The following COL25A1 variants were observed in gnomAD, a reference collection of about 807,000 sequenced individuals.
COL25A1 encodes the protein collagen type XXV alpha 1 chain.
A neutral mutation model predicts 128.4 loss-of-function variants in COL25A1; 103 were observed. The observed-to-expected ratio is 0.80, with a 90% confidence interval of 0.68 to 0.94. COL25A1 has a LOEUF of 0.94. Ranked by LOEUF, COL25A1 falls within the 40% of genes least tolerant of loss-of-function variation. The probability of loss-of-function intolerance (pLI) is 0.00; values close to 1 mark genes in which losing one functional copy is unlikely to be tolerated. For missense variants in COL25A1, 745 were observed against 840.0 expected, an observed-to-expected ratio of 0.89 and a Z score of 1.40; for synonymous variants, 279 against 277.2, an observed-to-expected ratio of 1.01 and a Z score of -0.06.
rs369789677 is a variant in COL25A1, at chr4:109,050,483, T to C, written c.368-304A>G. Among the ~76,000 whole-genome samples the C allele has an allele frequency of 4.1e-4, 62 of 152,260 alleles. No individual in the cohort carries two copies. In the East Asian group the frequency reaches 7.9e-3, roughly 19 times the overall value. On this transcript the variant is annotated intron_variant, in intron 3 of 37. Coordinates refer to ENST00000399132, the MANE Select transcript of COL25A1 (RefSeq NM_198721.4). Reference sequence around the variant, plus strand: ...TAAAGAAAGGGTTTGCTAAGAAAATTGGTAGTTGAGTTTTATATTTCTAAG... The same window carrying C: ...TAAAGAAAGGGTTTGCTAAGAAAATCGGTAGTTGAGTTTTATATTTCTAAG...
At chr4:109,282,156 AT>A (rs201607362) in intron 3 of COL25A1, among the ~76,000 whole-genome samples, 3,178 of 152,232 alleles carry the variant, frequency 0.021, 97 homozygotes, top group African/African-American at 0.072. Context: ...CAACGAAATC[AT>A]TTTTTTAATA....
rs149592338 is a variant in COL25A1, at chr4:108,875,690, G to A, written c.1021-6540C>T. 7.2e-3 allele frequency among the ~76,000 whole-genome samples: 1,089 copies of A among 152,246 alleles called. 16 individuals carry two copies. Among genetic ancestry groups the A allele is most frequent in the African/African-American group, 0.025 (1,043 of 41,526 alleles). Reference sequence around the variant, plus strand: ...GGATCTAGAACTAGAATTACCATTTGACACAGCAATCTCATTACTGGGTAT... The same window carrying A: ...GGATCTAGAACTAGAATTACCATTTAACACAGCAATCTCATTACTGGGTAT... On this transcript the variant is annotated intron_variant, in intron 19 of 37. Transcript: ENST00000399132.
chr4:109,150,512 C>T (rs889943695), intron 3 of COL25A1, among the ~76,000 whole-genome samples: 7 of 152,076 alleles, frequency 4.6e-5, no homozygotes, highest in Admixed American at 2.0e-4. Context: ...AATGTGGTGC[C>T]GAGATGTGGT....
At chr4:109,196,542 G>C (rs1186576120) in intron 3 of COL25A1, among the ~76,000 whole-genome samples, 3 of 152,142 alleles carry the variant, frequency 2.0e-5, no homozygotes, top group Non-Finnish European at 4.4e-5. Flanking sequence ...ATCTCTACCA[G>C]AATTCCATAC....
chr4:109,012,395 C>T (rs1054397853), intron 5 of COL25A1, among the ~76,000 whole-genome samples: 3 of 124,978 alleles, frequency 2.4e-5, no homozygotes, highest in Non-Finnish European at 4.7e-5. Flanking sequence ...CCCTTCAGCC[C>T]GCCACTGCAC....
At chr4:108,844,306 C>T (rs1417756726) in intron 30 of COL25A1, among the ~76,000 whole-genome samples, 1 of 152,176 alleles carries the variant, frequency 6.6e-6, no homozygotes, top group Non-Finnish European at 1.5e-5. Context: ...ACCTCTGTCG[C>T]AAAACTACTC....
intron 8 of COL25A1, among the ~76,000 whole-genome samples, chr4:108,964,913 C>G (rs889278687): frequency 6.6e-6 from 1 of 152,154 alleles, no homozygotes; most frequent in Admixed American, 6.5e-5. Flanking sequence ...TTATTTCTTT[C>G]CATTGTGTTA....
At chr4:109,000,764 AAAAAG>A (rs569092094) in intron 6 of COL25A1, among the ~76,000 whole-genome samples, 16,433 of 117,560 alleles carry the variant, frequency 0.14, 2,898 homozygotes, top group South Asian at 0.27. Context: ...AAAAAAAAAA[AAAAAG>A]AAAAAACTAT....
At position 108,830,975 on chromosome 4, in the gene COL25A1, C is replaced by T. The variant is rs1002110161; in HGVS notation, c.1710+1405G>A. Among the ~76,000 whole-genome samples, 5 of 152,236 alleles carry T rather than the reference C, an allele frequency of 3.3e-5. No individual in the cohort carries two copies. The East Asian group carries it at 5.8e-4, about 18-fold the overall frequency. On this transcript the variant is annotated intron_variant, in intron 32 of 37. Transcript: ENST00000399132. ...TGATCTTAGAAATATGACAATTGCA[C>T]ATTCAGATTACATGTTCCCTTAGAA...
intron 20 of COL25A1, among the ~76,000 whole-genome samples, chr4:108,868,256 A>G (rs1482413813): frequency 1.3e-5 from 2 of 152,118 alleles, no homozygotes; most frequent in African/African-American, 4.8e-5. Context: ...AACAACTGAA[A>G]TATTTCACCA....
At chr4:109,110,558 G>A (rs1338998586) in intron 3 of COL25A1, among the ~76,000 whole-genome samples, 1 of 152,060 alleles carries the variant, frequency 6.6e-6, no homozygotes, top group East Asian at 1.9e-4. Context: ...TGATCTCGAG[G>A]TCAATATTAC....
intron 3 of COL25A1, among the ~76,000 whole-genome samples, chr4:109,108,667 T>C (rs923062948): frequency 6.7e-6 from 1 of 149,978 alleles, no homozygotes; most frequent in Admixed American, 6.6e-5. Context: ...TTTAGATCTT[T>C]CTGTTACCTT....
At chr4:108,819,807 C>T in intron 35 of COL25A1, 1 of 1,224,634 alleles carries the variant, frequency 8.2e-7, no homozygotes, top group Non-Finnish European at 1.0e-6. Context: ...ACAAGTCAGA[C>T]ATACCAACGG....
At chr4:109,234,099 T>C (rs1779323232) in intron 3 of COL25A1, among the ~76,000 whole-genome samples, 1 of 152,156 alleles carries the variant, frequency 6.6e-6, no homozygotes, top group Non-Finnish European at 1.5e-5. Flanking sequence ...TATCACATTA[T>C]AGAAAAAATA....
At position 108,894,058 on chromosome 4, in the gene COL25A1, T is replaced by C. The variant is rs1354477253; in HGVS notation, c.906+2609A>G. 3.9e-5 allele frequency among the ~76,000 whole-genome samples: 6 copies of C among 152,320 alleles called. No individual in the cohort carries two copies. In the South Asian group the frequency reaches 1.0e-3, roughly 26 times the overall value. On this transcript the variant is annotated intron_variant, in intron 16 of 37. Coordinates refer to ENST00000399132, the MANE Select transcript of COL25A1 (RefSeq NM_198721.4). Reference sequence around the variant, plus strand: ...AGAATAACAATCTAGTTGATTTCAATTTCCATGTGGGAAGAAAAGCTAATA... The same window carrying C: ...AGAATAACAATCTAGTTGATTTCAACTTCCATGTGGGAAGAAAAGCTAATA...
intron 22 of COL25A1, among the ~76,000 whole-genome samples, 155 bp downstream of exon 22, chr4:108,862,346 T>G (rs904824591): frequency 3.3e-5 from 5 of 152,354 alleles, no homozygotes; most frequent in Admixed American, 2.6e-4. Context: ...GATATCATCA[T>G]AGGGATACTG....
In COL25A1 at chr4:108,822,445, C is replaced by T. The variant is rs181710836; in HGVS notation, c.1845+1729G>A. Among the ~76,000 whole-genome samples the T allele has an allele frequency of 8.1e-3, 1,228 of 152,180 alleles. 13 individuals carry two copies. The highest frequency in any genetic ancestry group is 0.013 in the Non-Finnish European group (914 of 68,002). ...TTTTGAGTTTTTTTAGAGATAGAGT[C>T]TTGTTCTGTCACCCAGGCTAAAGTA... On this transcript the variant is annotated intron_variant, in intron 35 of 37. Coordinates refer to ENST00000399132, the MANE Select transcript of COL25A1 (RefSeq NM_198721.4).
At chr4:108,983,843 T>A (rs147649458) in intron 6 of COL25A1, among the ~76,000 whole-genome samples, 1,592 of 152,214 alleles carry the variant, frequency 0.01, 46 homozygotes, top group Admixed American at 0.053. Flanking sequence ...CAGCTCATAA[T>A]GGCAGTGTGG....
intron 3 of COL25A1, among the ~76,000 whole-genome samples, chr4:109,077,737 C>T (rs1763504297): frequency 6.6e-6 from 1 of 152,130 alleles, no homozygotes; most frequent in South Asian, 2.1e-4. Flanking sequence ...CATTTTCAAG[C>T]TATGTCATAA....
Sources: gnomAD v4.1 joint callset for allele counts (sites outside exome capture counted in the v4.1 genomes callset) on GRCh38, gnomAD v4.1.1 for gene constraint, MANE v1.5 for transcripts, NCBI Gene and HGNC (gene_info 2026-07-23, HGNC 2026-07-21) for gene names.